Variants in KIAA0319L observed in about 807,000 individuals in gnomAD.
KIAA0319L encodes the protein KIAA0319 like.
A neutral mutation model predicts 120.1 loss-of-function variants in KIAA0319L; 55 were observed. That is an observed-to-expected ratio of 0.46 (90% CI 0.37 to 0.57). The LOEUF (loss-of-function observed/expected upper bound fraction) is 0.57, where lower values mean the gene tolerates loss of function less well. Ranked by LOEUF, KIAA0319L falls within the 20% of genes least tolerant of loss-of-function variation. The pLI is 0.00. For missense variants in KIAA0319L, 1,049 were observed against 1,255.3 expected, an observed-to-expected ratio of 0.84 and a Z score of 2.48; for synonymous variants, 398 against 471.9, an observed-to-expected ratio of 0.84 and a Z score of 2.03.
chr1:35,507,721 G>C (rs1040219965), intron 2 of KIAA0319L, among the ~76,000 whole-genome samples: 3 of 152,144 alleles, frequency 2.0e-5, no homozygotes, highest in African/African-American at 7.2e-5. Context: ...AAAGTCAAAT[G>C]GTTTTGCATA....
intron 3 of KIAA0319L, among the ~76,000 whole-genome samples, chr1:35,498,835 A>G (rs955961756): frequency 2.6e-5 from 4 of 152,188 alleles, no homozygotes; most frequent in African/African-American, 7.2e-5. Flanking sequence ...TCAGCTTTCA[A>G]TACATTTTGA....
intron 13 of KIAA0319L, 145 bp downstream of exon 13, chr1:35,451,478 TAGAAA>T (rs1642058351): frequency 1.4e-6 from 1 of 702,562 alleles, no homozygotes; most frequent in South Asian, 2.1e-5. Flanking sequence ...AAGGCTGTTT[TAGAAA>T]AGAAAATAAC....
intron 2 of KIAA0319L, 80 bp downstream of exon 2, chr1:35,554,270 T>C: frequency 9.2e-7 from 1 of 1,081,942 alleles, no homozygotes. Context: ...CTCCTAATAG[T>C]CCTTAAAATG....
intron 2 of KIAA0319L, among the ~76,000 whole-genome samples, chr1:35,542,431 G>A (rs1204855608): frequency 2.6e-5 from 4 of 152,186 alleles, no homozygotes; most frequent in African/African-American, 9.7e-5. Flanking sequence ...AAGGCAGGTA[G>A]TCAAGACCAA....
At chr1:35,522,059 CAT>C (rs1645943198) in intron 2 of KIAA0319L, among the ~76,000 whole-genome samples, 1 of 152,072 alleles carries the variant, frequency 6.6e-6, no homozygotes, top group Non-Finnish European at 1.5e-5. Context: ...ATAGTTCTAA[CAT>C]AGAATGATAT....
chr1:35,446,448 A>G (rs1205340887), intron 16 of KIAA0319L, among the ~76,000 whole-genome samples: 2 of 152,298 alleles, frequency 1.3e-5, no homozygotes, highest in Non-Finnish European at 2.9e-5. Context: ...AACTTCCTCA[A>G]AAAGGTGTTA....
chr1:35,507,983 C>A (rs1360711087), intron 2 of KIAA0319L, among the ~76,000 whole-genome samples: 1 of 152,162 alleles, frequency 6.6e-6, no homozygotes, highest in African/African-American at 2.4e-5. Context: ...TAGTATCTCA[C>A]CTCTGTTTTC....
intron 3 of KIAA0319L, among the ~76,000 whole-genome samples, chr1:35,480,169 T>A (rs1160984664): frequency 6.6e-6 from 1 of 151,952 alleles, no homozygotes; most frequent in Non-Finnish European, 1.5e-5. Flanking sequence ...AAAATGAAAT[T>A]AACATGGTCT....
intron 1 of KIAA0319L, chr1:35,555,000 G>C (rs144628389): frequency 6.6e-6 from 1 of 152,552 alleles, no homozygotes; most frequent in East Asian, 1.9e-4. Flanking sequence ...CTTTAGGCAG[G>C]GCATGCACTC....
intron 10 of KIAA0319L, chr1:35,454,743 G>C (rs969580622): frequency 1.5e-6 from 1 of 674,194 alleles, no homozygotes; most frequent in Non-Finnish European, 2.1e-6. Context: ...TCATAAGAGA[G>C]GGCAGTATTG....
chr1:35,470,400 G>A (rs2149123907), intron 6 of KIAA0319L, among the ~76,000 whole-genome samples: 1 of 149,830 alleles, frequency 6.7e-6, no homozygotes, highest in African/African-American at 2.5e-5. Flanking sequence ...GGCTGAGGTA[G>A]GAGGATTGCT....
intron 6 of KIAA0319L, among the ~76,000 whole-genome samples, chr1:35,470,557 T>C (rs573767303): frequency 7.5e-4 from 112 of 150,332 alleles, no homozygotes; most frequent in South Asian, 1.3e-3. Context: ...AGTGAATGTA[T>C]GCAGTCATGT....
chr1:35,468,299 C>T (rs368913568), intron 6 of KIAA0319L, among the ~76,000 whole-genome samples: 1 of 152,238 alleles, frequency 6.6e-6, no homozygotes, highest in Non-Finnish European at 1.5e-5. Flanking sequence ...GTTTCCTCTA[C>T]CCTCCATCCC....
intron 2 of KIAA0319L, among the ~76,000 whole-genome samples, chr1:35,527,487 T>C (rs958579240): frequency 3.9e-5 from 6 of 152,206 alleles, no homozygotes; most frequent in African/African-American, 1.4e-4. Context: ...TATTAGTTCC[T>C]GCTTATTAGT....
intron 13 of KIAA0319L, 66 bp from the exon 14 acceptor site, chr1:35,450,575 G>A: frequency 6.8e-7 from 1 of 1,461,214 alleles, no homozygotes; most frequent in Non-Finnish European, 9.5e-7. Context: ...TCTTCATGAT[G>A]CTTATGGGGA....
intron 4 of KIAA0319L, among the ~76,000 whole-genome samples, chr1:35,476,103 G>A (rs1057352367): frequency 3.3e-5 from 5 of 152,166 alleles, no homozygotes; most frequent in African/African-American, 1.2e-4. Flanking sequence ...ACTCAAGTCA[G>A]CAAAGAGCTA....
At chr1:35,465,760 AGTGGGAGGAACCTG>A (rs1186100463) in intron 7 of KIAA0319L, among the ~76,000 whole-genome samples, 2 of 152,296 alleles carry the variant, frequency 1.3e-5, no homozygotes, top group African/African-American at 2.4e-5. Flanking sequence ...GGAGGAACCC[AGTGGGAGGAACCTG>A]GTGGGAGGTA....
At chr1:35,507,375 G>C (rs900624958) in intron 2 of KIAA0319L, among the ~76,000 whole-genome samples, 4 of 152,106 alleles carry the variant, frequency 2.6e-5, no homozygotes, top group Admixed American at 2.6e-4. Context: ...ATGAGTTCCT[G>C]CCATGGAGAC....
chr1:35,517,393 C>T (rs971002785), intron 2 of KIAA0319L, among the ~76,000 whole-genome samples: 1 of 152,112 alleles, frequency 6.6e-6, no homozygotes, highest in Middle Eastern at 3.4e-3. Context: ...GAATAGAGAG[C>T]CCAGAAACAA....
Sources: allele counts gnomAD v4.1 joint callset (sites outside exome capture counted in the v4.1 genomes callset), GRCh38; gene constraint gnomAD v4.1.1; transcripts MANE v1.5; gene names NCBI Gene and HGNC (gene_info 2026-07-23, HGNC 2026-07-21).